Variants in KNSTRN observed in about 807,000 individuals in gnomAD.
KNSTRN encodes kinetochore localized astrin (SPAG5) binding protein.
Under a neutral mutation model 44.7 loss-of-function variants are expected in KNSTRN, and 38 were observed. The observed-to-expected ratio is 0.85, with a 90% CI of 0.66 to 1.11. The LOEUF is 1.11. Ranked by LOEUF, KNSTRN falls within the 50% of genes most tolerant of loss-of-function variation. KNSTRN has a pLI of 0.00. For missense variants in KNSTRN, 406 were observed against 375.8 expected (o/e 1.08, Z -0.66); for synonymous variants, 158 against 148.1 (o/e 1.07, Z -0.48).
chr15:40,391,445 T>G, intron 6 of KNSTRN, 48 bp from the exon 7 acceptor site: 1 of 1,460,766 alleles, frequency 6.8e-7, no homozygotes, highest in South Asian at 1.1e-5. Context: ...TTCTTTTGTT[T>G]AGGGTGTGTA....
Position 40,393,851 on chromosome 15 carries a change from G to A in KNSTRN, c.*254G>A, listed in dbSNP as rs557070430. On this transcript the variant is annotated 3_prime_UTR_variant, in exon 9 of 9. Transcript: ENST00000249776. ...AGGCCTACAAGAGAGGGGAGCCTAG[G>A]AGCTTGGATTGACCTTCTAGTCAAC... 2 of 268,102 alleles carry A rather than the reference G, an allele frequency of 7.5e-6. No homozygotes were observed. Among genetic ancestry groups the A allele is most frequent in the Admixed American group, 1.0e-4 (2 of 19,572 alleles). 16.6% of individuals were successfully genotyped at this position (268,102 alleles called of 1,614,324 possible).
chr15:40,389,446 TG>T, intron 4 of KNSTRN, 59 bp from the exon 5 acceptor site: 1 of 1,276,352 alleles, frequency 7.8e-7, no homozygotes, highest in Non-Finnish European at 1.1e-6. Context: ...CTACCGCACC[TG>T]GTGTGGGCCA....
Position 40,382,913 on chromosome 15 carries a change from A to C in KNSTRN, c.78A>C (p.Pro26=). The part of the protein sequence containing the change: ...TWLSTECDSH[P]LPPSYRKFLF... ...TGTCTACAGAGTGCGATTCCCACCC[A>C]CTTCCGCCTAGCTACCGGAAGTTTC... The change falls in exon 1 of 9, where the codon CCA becomes CCC. Residue 26 remains proline (P), a synonymous_variant. Transcript: ENST00000249776. 6 of 1,612,124 alleles carry C rather than the reference A, an allele frequency of 3.7e-6. No homozygotes were observed. Among genetic ancestry groups the C allele is most frequent in the Non-Finnish European group, 5.1e-6 (6 of 1,180,006 alleles).
rs145729459 is a variant in KNSTRN, at chr15:40,386,192, A to G, written c.305-170A>G. On this transcript the variant is annotated intron_variant, in intron 2 of 8. Transcript: ENST00000249776. Reference sequence around the variant, plus strand: ...CAGTGAGCCAAGATCACACCACTGTACTCCAGCCTGGGCCACAGAGCAAGA... The same window carrying G: ...CAGTGAGCCAAGATCACACCACTGTGCTCCAGCCTGGGCCACAGAGCAAGA... Among the ~76,000 whole-genome samples, 21 of 151,896 alleles carry G rather than the reference A, an allele frequency of 1.4e-4. No individual in the cohort carries two copies. The East Asian group carries it at 3.7e-3, about 27-fold the overall frequency.
intron 8 of KNSTRN, chr15:40,393,256 T>C (rs1490403917): frequency 1.2e-6 from 2 of 1,613,772 alleles, no homozygotes; most frequent in Non-Finnish European, 8.5e-7. Flanking sequence ...CCAGTTTAGA[T>C]ACAGGAGTCT....
chr15:40,393,700 A>G lies in KNSTRN; in HGVS notation c.*103A>G, dbSNP rs1391966517. The G allele has an allele frequency of 9.3e-6, 10 of 1,074,772 alleles. No homozygotes were observed. Among genetic ancestry groups the G allele is most frequent in the Admixed American group, 2.4e-5 (1 of 40,886 alleles). 66.6% of individuals were successfully genotyped at this position (1,074,772 alleles called of 1,614,324 possible). On this transcript the variant is annotated 3_prime_UTR_variant, in exon 9 of 9. Transcript: ENST00000249776. The stretch of plus-strand genomic sequence containing the variant: ...TGATCTTCTGGGACTCACCATCTCC[A>G]GAATGAAAACAATTTCTACAGTAGA...
intron 4 of KNSTRN, chr15:40,389,163 T>C (rs1264904593): frequency 6.5e-6 from 3 of 459,322 alleles, no homozygotes; most frequent in South Asian, 3.1e-5. Flanking sequence ...CTTTTTTTTT[T>C]AGACGGAGTT....
At chr15:40,386,927 T>C in intron 3 of KNSTRN, 1 of 580,178 alleles carries the variant, frequency 1.7e-6, no homozygotes, top group Non-Finnish European at 3.1e-6. Flanking sequence ...GAGGAACAGC[T>C]CTGTCAGGTT....
In KNSTRN at chr15:40,386,483, A is replaced by G; in HGVS notation, c.426A>G (p.Arg142=). 6.2e-7 allele frequency: 1 copy of G among 1,614,118 alleles called. No homozygotes were observed. The highest frequency in any genetic ancestry group is 8.5e-7 in the Non-Finnish European group (1 of 1,179,996). The part of the protein sequence containing the change: ...ENDVTKITKL[R]RENGQMKATD... ...ATGTTACAAAAATCACCAAACTGAG[A>G]CGAGAGAATGGGTGAGAACGGATCA... The change falls in exon 3 of 9, where the codon AGA becomes AGG. Residue 142 remains arginine (R), a synonymous_variant. Coordinates refer to ENST00000249776, the MANE Select transcript of KNSTRN (RefSeq NM_033286.4).
At chr15:40,385,847 C>T (rs1889891814) in intron 2 of KNSTRN, among the ~76,000 whole-genome samples, 1 of 152,234 alleles carries the variant, frequency 6.6e-6, no homozygotes, top group South Asian at 2.1e-4. Context: ...TTTGGCTACC[C>T]TCAAACATGC....
intron 2 of KNSTRN, chr15:40,384,626 C>A: frequency 8.4e-6 from 3 of 355,290 alleles, no homozygotes; most frequent in South Asian, 6.1e-5. Context: ...TGATTTCTAT[C>A]TCTGTCCCAG....
At chr15:40,391,655 G>T in intron 7 of KNSTRN, 101 bp downstream of exon 7, 1 of 970,888 alleles carries the variant, frequency 1.0e-6, no homozygotes, top group Non-Finnish European at 1.6e-6. Context: ...CCAAGAAACA[G>T]CCTTTGATTA....
At position 40,393,571 on chromosome 15, in the gene KNSTRN, G is replaced by A. The variant is rs1371644864; in HGVS notation, c.925G>A (p.Glu309Lys). Residue 309 changes from glutamate to lysine, a missense_variant, in exon 9 of 9, where the codon GAA (glutamate) becomes AAA (lysine). Glu to Lys is a moderately conservative substitution (Grantham distance 56). Transcript: ENST00000249776. The stretch of plus-strand genomic sequence containing the variant: ...AAATGATTTAACAACAGCCCTTAAG[G>A]AAATGGAGCAGCTATTAGAAATGTA... ...QVNDLTTALK[E>K]MEQLLEM 1.2e-6 allele frequency: 2 copies of A among 1,613,896 alleles called. No individual in the cohort carries two copies. Among genetic ancestry groups the A allele is most frequent in the South Asian group, 2.2e-5 (2 of 91,038 alleles).
chr15:40,391,203 A>C (rs1343066021), intron 6 of KNSTRN, among the ~76,000 whole-genome samples: 1 of 152,260 alleles, frequency 6.6e-6, no homozygotes, highest in African/African-American at 2.4e-5. Flanking sequence ...AAACCAAAAA[A>C]AATCCAACCT....
At position 40,386,389 on chromosome 15, in the gene KNSTRN, G is replaced by A; in HGVS notation, c.332G>A (p.Ser111Asn). The change falls in exon 3 of 9, where the codon AGT (serine) becomes AAT (asparagine). Residue 111 changes from serine (S) to asparagine (N), a missense_variant. Physicochemically the swap from Ser to Asn is conservative, Grantham distance 46 (BLOSUM62 1). Coordinates refer to ENST00000249776, the MANE Select transcript of KNSTRN (RefSeq NM_033286.4). ...ACACAAACTCGGGCCACTTCTAAGA[G>A]TCTCTTACCTGTTAGGTCCAAAGAA... ...ADTQTRATSKSLLPVRSKEVD... is the reference protein window; with the variant it reads ...ADTQTRATSKNLLPVRSKEVD... 1 of 1,614,096 alleles carries A rather than the reference G, an allele frequency of 6.2e-7. No homozygotes were observed.
chr15:40,393,108 TATATGTA>T, intron 8 of KNSTRN: 1 of 1,409,734 alleles, frequency 7.1e-7, no homozygotes, highest in Non-Finnish European at 1.0e-6. Flanking sequence ...AATTGAGAAC[TATATGTA>T]ATCCATTCTA....
intron 2 of KNSTRN, chr15:40,384,493 A>G (rs1003460536): frequency 4.6e-5 from 21 of 455,744 alleles, no homozygotes; most frequent in Middle Eastern, 3.3e-4. Flanking sequence ...AGCGGGGACT[A>G]GGAGTTGCTG....
intron 8 of KNSTRN, 123 bp downstream of exon 8, chr15:40,392,146 T>G (rs1178550517): frequency 2.9e-5 from 20 of 689,990 alleles, no homozygotes; most frequent in African/African-American, 5.6e-5. Flanking sequence ...TATAGGAAAG[T>G]TACAAAGATA....
intron 2 of KNSTRN, 150 bp from the exon 3 acceptor site, chr15:40,386,212 G>A: frequency 1.2e-6 from 1 of 823,248 alleles, no homozygotes; most frequent in Non-Finnish European, 1.8e-6. Flanking sequence ...GGGCCACAGA[G>A]CAAGACTCTG....
Sources: gnomAD v4.1 joint callset for allele counts (sites outside exome capture counted in the v4.1 genomes callset) on GRCh38, gnomAD v4.1.1 for gene constraint, MANE v1.5 for transcripts, NCBI Gene and HGNC (gene_info 2026-07-23, HGNC 2026-07-21) for gene names.